The following BCL11A variants were observed in gnomAD, a reference collection of about 807,000 sequenced individuals.
BCL11A encodes the protein B cell CLL/lymphoma 11A.
A neutral mutation model predicts 55.9 loss-of-function variants in BCL11A; 2 were observed. The ratio of observed to expected loss-of-function variants is 0.04; its 90% CI spans 0.01 to 0.11. The LOEUF is 0.11. Among genes scored for constraint, BCL11A ranks in the 10% least tolerant of loss-of-function variants. The probability of loss-of-function intolerance (pLI) is 1.00; values close to 1 mark genes in which losing one functional copy is unlikely to be tolerated. For synonymous variants in BCL11A, 465 were observed against 473.4 expected (o/e 0.98, Z 0.23); for missense variants, 817 against 1,137.1 (o/e 0.72, Z 4.05).
intron 2 of BCL11A, chr2:60,484,003 C>T (rs965909385): frequency 2.0e-5 from 3 of 152,020 alleles, no homozygotes; most frequent in Non-Finnish European, 2.9e-5. Context: ...TGACACTTAC[C>T]GCGTATGAGG....
intron 2 of BCL11A, among the ~76,000 whole-genome samples, chr2:60,499,330 C>G (rs964378577): frequency 6.6e-6 from 1 of 152,148 alleles, no homozygotes; most frequent in Non-Finnish European, 1.5e-5. Flanking sequence ...GTGCTGGAGG[C>G]TGAAGTCAAA....
intron 2 of BCL11A, among the ~76,000 whole-genome samples, chr2:60,516,489 C>G (rs1668735165): frequency 6.6e-6 from 1 of 152,168 alleles, no homozygotes; most frequent in African/African-American, 2.4e-5. Context: ...GAAGTCGTCA[C>G]TGGGAGAGGA....
intron 2 of BCL11A, chr2:60,544,971 C>T (rs1429339993): frequency 6.6e-6 from 1 of 152,262 alleles, no homozygotes; most frequent in African/African-American, 2.4e-5. Context: ...AACCCACACA[C>T]CTAGCTGCCT....
chr2:60,497,443 A>G (rs1679016618), intron 2 of BCL11A, among the ~76,000 whole-genome samples: 1 of 152,212 alleles, frequency 6.6e-6, no homozygotes, highest in African/African-American at 2.4e-5. Flanking sequence ...GGCCAAGGAT[A>G]TATGAGAGTG....
chr2:60,461,090 A>G lies in BCL11A; in HGVS notation c.1822T>C (p.Ser608Pro). Residue 608 changes from serine (S) to proline (P), a missense_variant, in exon 4 of 4, where the codon TCC (serine) becomes CCC (proline). Transcript: ENST00000642384. ...DDGTVNGRGC[S>P]PGESASGGLS... ...CCCCCCGAGGCCGACTCGCCCGGGG[A>G]GCAGCCGCGGCCATTAACAGTGCCA... is the stretch of plus-strand genomic sequence containing the variant. The G allele has an allele frequency of 6.2e-7, 1 of 1,601,688 alleles. No individual in the cohort carries two copies. Among genetic ancestry groups the G allele is most frequent in the Non-Finnish European group, 8.5e-7 (1 of 1,173,370 alleles).
chr2:60,515,108 C>G (rs543748434), intron 2 of BCL11A, among the ~76,000 whole-genome samples: 1 of 152,154 alleles, frequency 6.6e-6, no homozygotes, highest in Admixed American at 6.5e-5. Flanking sequence ...GATCCTCCCC[C>G]ACGTGCTCCT....
chr2:60,492,552 CT>C (rs1678696760), intron 2 of BCL11A, among the ~76,000 whole-genome samples: 1 of 152,114 alleles, frequency 6.6e-6, no homozygotes, highest in Non-Finnish European at 1.5e-5. Context: ...CTCACCAGTA[CT>C]CATGCGCTTC....
chr2:60,502,417 T>G (rs1392057913), intron 2 of BCL11A, among the ~76,000 whole-genome samples: 1 of 152,236 alleles, frequency 6.6e-6, no homozygotes, highest in Non-Finnish European at 1.5e-5. Context: ...ACAGACAGAA[T>G]AACTTCTTCA....
At chr2:60,494,386 T>C (rs1456681735) in intron 2 of BCL11A, among the ~76,000 whole-genome samples, 1 of 152,218 alleles carries the variant, frequency 6.6e-6, no homozygotes, top group Non-Finnish European at 1.5e-5. Context: ...AAGGAGGTTG[T>C]AATAAATTAT....
In BCL11A at chr2:60,460,821, C is replaced by A. The variant is rs1676210976; in HGVS notation, c.2091G>T (p.Leu697Phe). 3 of 1,612,814 alleles carry A rather than the reference C, an allele frequency of 1.9e-6. No individual in the cohort carries two copies. Among genetic ancestry groups the A allele is most frequent in the Non-Finnish European group, 2.5e-6 (3 of 1,180,036 alleles). Residue 697 changes from leucine (L) to phenylalanine (F), a missense_variant, in exon 4 of 4, where the codon TTG becomes TTT. Around this residue, in one of 4 missense-constraint regions of BCL11A, gnomAD observed 379 missense variants for 425.3 expected, o/e 0.89. Transcript: ENST00000642384. ...GCTCCCCGGGCGGTGTGGAGAAGCGCAAACTCCCGTTCTCCGAGGAGTGCT... is the reference window on the plus strand; with the variant it reads ...GCTCCCCGGGCGGTGTGGAGAAGCGAAAACTCCCGTTCTCCGAGGAGTGCT... ...SSEHSSENGS[L>F]RFSTPPGELD...
At position 60,461,908 on chromosome 2, in the gene BCL11A, C is replaced by G; in HGVS notation, c.1004G>C (p.Arg335Pro). ...NTSSPPLSPG[R>P]PSPMQRLLQP... ...CAGTAACCTTTGCATAGGGCTGGGC[C>G]GGCCTGGGGACAGCGGTGGGCTAGA... Residue 335 changes from arginine to proline, a missense_variant, in exon 4 of 4, where the codon CGG (arginine) becomes CCG (proline). Physicochemically the swap from Arg to Pro is moderately radical, Grantham distance 103. Coordinates refer to ENST00000642384, the MANE Select transcript of BCL11A (RefSeq NM_022893.4). The G allele has an allele frequency of 6.2e-7, 1 of 1,614,106 alleles. No individual in the cohort carries two copies.
intron 2 of BCL11A, chr2:60,545,611 C>T (rs959507525): frequency 1.9e-5 from 4 of 215,734 alleles, no homozygotes; most frequent in South Asian, 1.4e-4. Flanking sequence ...GCCTCTGACA[C>T]GTCACCAAGG....
At chr2:60,481,438 C>T (rs1054047328) in intron 2 of BCL11A, among the ~76,000 whole-genome samples, 1 of 152,156 alleles carries the variant, frequency 6.6e-6, no homozygotes, top group African/African-American at 2.4e-5. Context: ...TAACGCACTA[C>T]ACCCCACCCA....
chr2:60,519,515 G>A (rs1285164041), intron 2 of BCL11A, among the ~76,000 whole-genome samples: 1 of 151,514 alleles, frequency 6.6e-6, no homozygotes, highest in Non-Finnish European at 1.5e-5. Context: ...CACTCATGCT[G>A]CAGAGAAAAA....
chr2:60,544,500 AT>A (rs1481127013), intron 2 of BCL11A: 2 of 152,216 alleles, frequency 1.3e-5, no homozygotes, highest in African/African-American at 4.8e-5. Context: ...CAGATTTCCC[AT>A]TTCACTAAAG....
chr2:60,458,492 C>T lies in BCL11A; in HGVS notation c.*1912G>A, dbSNP rs570668308. The T allele has an allele frequency of 1.5e-5, 15 of 1,031,320 alleles. No individual in the cohort carries two copies. Among genetic ancestry groups the T allele is most frequent in the Non-Finnish European group, 1.6e-5 (14 of 857,098 alleles). The allele number at this position is 1,031,320 out of a possible 1,614,324, so 63.9% of individuals were successfully genotyped here. A position where few individuals can be genotyped will look rare whatever the true frequency, so the allele number is the denominator to read the frequency against. On this transcript the variant is annotated 3_prime_UTR_variant, in exon 4 of 4. Transcript: ENST00000642384. ...CAAAAAAATCCTTGCACTGTAGAAG[C>T]GAAAGCAATCATTCATTTCTATGTT...
At chr2:60,472,961 T>C (rs1338937282) in intron 2 of BCL11A, among the ~76,000 whole-genome samples, 2 of 145,712 alleles carry the variant, frequency 1.4e-5, no homozygotes, top group Non-Finnish European at 3.1e-5. Flanking sequence ...TACATAGATG[T>C]GTGCTATTCA....
intron 2 of BCL11A, among the ~76,000 whole-genome samples, chr2:60,485,080 G>A (rs888972974): frequency 1.3e-5 from 2 of 152,044 alleles, no homozygotes; most frequent in African/African-American, 2.4e-5. Flanking sequence ...AGCCTTGGAA[G>A]AAAAAGGCAT....
Position 60,473,432 on chromosome 2 carries a change from G to A in BCL11A, c.386-4599C>T, listed in dbSNP as rs192333235. Among the ~76,000 whole-genome samples, 444 of 152,040 alleles carry A rather than the reference G, an allele frequency of 2.9e-3. 2 individuals carry two copies. The highest frequency in any genetic ancestry group is 0.01 in the African/African-American group (423 of 41,444). ...ATACAGGACTACCTACAGTCCTTTC[G>A]CAGTCCATAATCCTCAAGTCCCTCA... On this transcript the variant is annotated intron_variant, in intron 2 of 3. Coordinates refer to ENST00000642384, the MANE Select transcript of BCL11A (RefSeq NM_022893.4).
Sources: gnomAD v4.1 joint callset for allele counts (sites outside exome capture counted in the v4.1 genomes callset) on GRCh38, gnomAD v4.1.1 for gene constraint, gnomAD v4.1.1 regional missense constraint, MANE v1.5 for transcripts, NCBI Gene and HGNC (gene_info 2026-07-23, HGNC 2026-07-21) for gene names.